IMPG2: variants seen among roughly 807,000 people sequenced by gnomAD.
IMPG2 encodes interphotoreceptor matrix proteoglycan 2.
Under a neutral mutation model 129.2 loss-of-function variants are expected in IMPG2, and 91 were observed. The observed-to-expected ratio is 0.70, with a 90% confidence interval of 0.59 to 0.84. IMPG2 has a LOEUF of 0.84. Among genes scored for constraint, IMPG2 ranks in the 40% least tolerant of loss-of-function variants. IMPG2 has a pLI of 0.00. For missense variants in IMPG2, 1,430 were observed against 1,461.7 expected, an observed-to-expected ratio of 0.98 and a Z score of 0.35; for synonymous variants, 510 against 517.7, an observed-to-expected ratio of 0.99 and a Z score of 0.20.
At chr3:101,268,737 A>C (rs1257738061) in intron 8 of IMPG2, among the ~76,000 whole-genome samples, 1 of 152,196 alleles carries the variant, frequency 6.6e-6, no homozygotes, top group Non-Finnish European at 1.5e-5. Context: ...GATAACATCT[A>C]AACTTGGGCT....
At chr3:101,305,677 AAT>A (rs1559658870) in intron 2 of IMPG2, among the ~76,000 whole-genome samples, 1 of 151,954 alleles carries the variant, frequency 6.6e-6, no homozygotes, top group Non-Finnish European at 1.5e-5. Context: ...AAGAAAAAAA[AAT>A]ATATATACAC....
intron 2 of IMPG2, among the ~76,000 whole-genome samples, chr3:101,310,262 T>G (rs1707247946): frequency 6.6e-6 from 1 of 152,160 alleles, no homozygotes; most frequent in Admixed American, 6.5e-5. Context: ...GAAATACATT[T>G]AAAGGATTAG....
intron 4 of IMPG2, among the ~76,000 whole-genome samples, chr3:101,290,684 C>A (rs1158302374): frequency 6.6e-6 from 1 of 152,066 alleles, no homozygotes; most frequent in East Asian, 1.9e-4. Context: ...TGATTTGAAA[C>A]CTGGATATAC....
intron 15 of IMPG2, among the ~76,000 whole-genome samples, chr3:101,232,314 T>G (rs1348364426): frequency 6.6e-6 from 1 of 152,100 alleles, no homozygotes; most frequent in African/African-American, 2.4e-5. Context: ...CTCAGCTCAC[T>G]GCAACCTCTG....
intron 3 of IMPG2, among the ~76,000 whole-genome samples, chr3:101,293,087 T>C (rs1707039595): frequency 6.6e-6 from 1 of 152,198 alleles, no homozygotes; most frequent in Non-Finnish European, 1.5e-5. Flanking sequence ...TCCCTATTAA[T>C]GTTGGTATTT....
chr3:101,223,188 T>C lies in IMPG2; in HGVS notation c.*3781A>G, dbSNP rs900774980. 2 of 152,188 alleles carry C rather than the reference T, an allele frequency of 1.3e-5. No individual in the cohort carries two copies. Among genetic ancestry groups the C allele is most frequent in the Non-Finnish European group, 2.9e-5 (2 of 68,022 alleles). The allele number at this position is 152,188 out of a possible 1,614,324, so 9.4% of individuals were successfully genotyped here. ...GAATACAATGCAATGGATTTGAGAA[T>C]AGTGACCGTCACATCATTTTTCTGC... On this transcript the variant is annotated 3_prime_UTR_variant, in exon 19 of 19. Transcript: ENST00000193391.
rs5851267 is a variant in IMPG2, at chr3:101,269,926, C to CTTTTT, written c.829-358_829-354dup. Among the ~76,000 whole-genome samples, 17 of 106,954 alleles carry CTTTTT rather than the reference C, an allele frequency of 1.6e-4. 1 individual carries two copies. Among genetic ancestry groups the CTTTTT allele is most frequent in the South Asian group, 3.2e-4 (1 of 3,110 alleles). 70.2% of individuals were successfully genotyped at this position (106,954 alleles called of 152,430 possible). A position where few individuals can be genotyped will look rare whatever the true frequency, so the allele number is the denominator to read the frequency against. On this transcript the variant is annotated intron_variant, in intron 7 of 18. Coordinates refer to ENST00000193391, the MANE Select transcript of IMPG2 (RefSeq NM_016247.4). ...TAATAGCATTTTATTTTATTTTATT[C>CTTTTT]TTTTTTTTTTTTTTTTTTTTTTGAG...
rs1266769621 is a variant in IMPG2, at chr3:101,267,517, T to C, written c.902A>G (p.Asn301Ser). The C allele has an allele frequency of 6.2e-7, 1 of 1,611,346 alleles. No homozygotes were observed. The highest frequency in any genetic ancestry group is 1.3e-5 in the African/African-American group (1 of 74,864). ...RVLEFRSPKE[N>S]DSGVDVYYAV... ...AGAAAGTGCCAAAAAGTACCTGTCA[T>C]TTTCCTTGGGGGACCTGAAAACAAA... Residue 301 changes from asparagine (N) to serine (S), a missense_variant, in exon 9 of 19, where the codon AAT becomes AGT. Asn to Ser is a conservative substitution (Grantham distance 46). Coordinates refer to ENST00000193391, the MANE Select transcript of IMPG2 (RefSeq NM_016247.4).
intron 9 of IMPG2, among the ~76,000 whole-genome samples, chr3:101,260,171 C>T (rs1451539835): frequency 1.3e-5 from 2 of 152,048 alleles, no homozygotes; most frequent in East Asian, 1.9e-4. Flanking sequence ...GCAGCCAGGC[C>T]TCTTGGATGT....
At chr3:101,315,163 C>T (rs541761567) in intron 2 of IMPG2, among the ~76,000 whole-genome samples, 10 of 152,218 alleles carry the variant, frequency 6.6e-5, no homozygotes, top group African/African-American at 1.9e-4. Context: ...AACCTTTAAT[C>T]GAAACACAGA....
chr3:101,231,390 T>C (rs1317106182), intron 15 of IMPG2, among the ~76,000 whole-genome samples: 1 of 152,174 alleles, frequency 6.6e-6, no homozygotes, highest in Non-Finnish European at 1.5e-5. Flanking sequence ...GCTAAATAGG[T>C]TTAAGGAAAT....
intron 4 of IMPG2, among the ~76,000 whole-genome samples, chr3:101,282,942 A>G (rs1028854663): frequency 6.6e-6 from 1 of 152,224 alleles, no homozygotes. Context: ...ATCAAGGTTA[A>G]GTGACATATT....
Position 101,244,401 on chromosome 3 carries a change from T to A in IMPG2, c.1930A>T (p.Ile644Phe), listed in dbSNP as rs959573618. 8.7e-6 allele frequency: 14 copies of A among 1,614,176 alleles called. No homozygotes were observed. The highest frequency in any genetic ancestry group is 1.2e-5 in the Non-Finnish European group (14 of 1,180,008). ...EDDDSLLPAE[I>F]EDKKLVLVDK... ...ACTAAAACTAGTTTCTTGTCTTCAA[T>A]CTCAGCTGGCAAAAGTGAATCATCA... The change falls in exon 13 of 19, where the codon ATT becomes TTT. Residue 644 changes from isoleucine (I) to phenylalanine (F), a missense_variant. Coordinates refer to ENST00000193391, the MANE Select transcript of IMPG2 (RefSeq NM_016247.4).
intron 9 of IMPG2, among the ~76,000 whole-genome samples, chr3:101,266,209 C>G (rs962639256): frequency 6.6e-6 from 1 of 152,028 alleles, no homozygotes; most frequent in African/African-American, 2.4e-5. Context: ...GGCATTTATC[C>G]AAAGGAAAGG....
At position 101,291,468 on chromosome 3, in the gene IMPG2, G is replaced by A; in HGVS notation, c.533+11C>T. ...TGCCAAACATGAATTTTGGGAAAAAGAGACACTCACCTGCTTACAGTTTCC... is the reference window on the plus strand; with the variant it reads ...TGCCAAACATGAATTTTGGGAAAAAAAGACACTCACCTGCTTACAGTTTCC... On this transcript the variant is annotated intron_variant, in intron 4 of 18. Transcript: ENST00000193391. 1 of 1,611,680 alleles carries A rather than the reference G, an allele frequency of 6.2e-7. No individual in the cohort carries two copies. Among genetic ancestry groups the A allele is most frequent in the Non-Finnish European group, 8.5e-7 (1 of 1,177,892 alleles).
chr3:101,298,289 T>A (rs1365479153), intron 3 of IMPG2, among the ~76,000 whole-genome samples: 1 of 152,168 alleles, frequency 6.6e-6, no homozygotes, highest in African/African-American at 2.4e-5. Flanking sequence ...CCTATGTGTG[T>A]CTTTGCATGT....
chr3:101,248,895 T>C (rs1014407953), intron 11 of IMPG2, among the ~76,000 whole-genome samples: 8 of 151,954 alleles, frequency 5.3e-5, no homozygotes, highest in Admixed American at 1.3e-4. Context: ...CCTAGGAGGC[T>C]GACCCCTGTG....
chr3:101,243,815 G>T lies in IMPG2; in HGVS notation c.2516C>A (p.Ser839Ter). 6.2e-7 allele frequency: 1 copy of T among 1,614,134 alleles called. No individual in the cohort carries two copies. Among genetic ancestry groups the T allele is most frequent in the Non-Finnish European group, 8.5e-7 (1 of 1,180,004 alleles). The change falls in exon 13 of 19, where the codon TCG (serine) becomes TAG (stop). Residue 839 changes from serine to a stop codon, truncating the protein, a stop_gained. Transcript: ENST00000193391. LOFTEE classifies it high-confidence loss of function. ...TGTGCCTATCCGGTCCAGTTCTAAC[G>T]AAATATCCTGTACACCCATAATTAC... ...DEVIMGVQDI[S>*]LELDRIGTDY...
chr3:101,269,970 G>A (rs1185075492), intron 7 of IMPG2, among the ~76,000 whole-genome samples: 2 of 121,482 alleles, frequency 1.6e-5, no homozygotes, highest in Non-Finnish European at 3.2e-5. Flanking sequence ...TCACTCTGCC[G>A]CCCAGGCTGG....
Sources: allele counts gnomAD v4.1 joint callset (sites outside exome capture counted in the v4.1 genomes callset), GRCh38; gene constraint gnomAD v4.1.1; transcripts MANE v1.5; gene names NCBI Gene and HGNC (gene_info 2026-07-23, HGNC 2026-07-21).